Variants in NGEF observed in about 807,000 individuals in gnomAD.
NGEF encodes ephexin-1.
Under a neutral mutation model 80.9 loss-of-function variants are expected in NGEF, and 31 were observed. The ratio of observed to expected loss-of-function variants is 0.38; its 90% CI spans 0.29 to 0.52. The LOEUF (loss-of-function observed/expected upper bound fraction) is 0.52, where lower values mean the gene tolerates loss of function less well. Ranked by LOEUF, NGEF falls within the 20% of genes least tolerant of loss-of-function variation. The pLI, the probability that NGEF is intolerant of heterozygous loss-of-function variation, is 0.84. For synonymous variants in NGEF, 371 were observed against 370.2 expected, an observed-to-expected ratio of 1.00 and a Z score of -0.03; for missense variants, 709 against 926.2, an observed-to-expected ratio of 0.77 and a Z score of 3.04.
chr2:232,891,608 A>C (rs891777429), intron 7 of NGEF, 121 bp from the exon 8 acceptor site: 1 of 1,145,638 alleles, frequency 8.7e-7, no homozygotes, highest in Non-Finnish European at 1.2e-6. Flanking sequence ...AAACATGTTG[A>C]TTTCTTTCTT....
intron 5 of NGEF, among the ~76,000 whole-genome samples, chr2:232,909,160 A>G (rs1692640720): frequency 6.6e-6 from 1 of 152,046 alleles, no homozygotes; most frequent in African/African-American, 2.4e-5. Context: ...TGCCACCAAC[A>G]GTTTTTTATT....
At chr2:232,995,698 T>C (rs1365338803) in intron 1 of NGEF, among the ~76,000 whole-genome samples, 2 of 141,122 alleles carry the variant, frequency 1.4e-5, no homozygotes, top group African/African-American at 5.3e-5. Context: ...ATAGTGTATG[T>C]ATTATATGTG....
chr2:232,987,981 C>A (rs1694567258), intron 1 of NGEF, among the ~76,000 whole-genome samples: 1 of 151,324 alleles, frequency 6.6e-6, no homozygotes. Flanking sequence ...TGCAAGCAGG[C>A]ATGTGCCCCC....
intron 3 of NGEF, among the ~76,000 whole-genome samples, chr2:232,958,698 C>A (rs1356513612): frequency 6.6e-6 from 1 of 152,048 alleles, no homozygotes; most frequent in African/African-American, 2.4e-5. Context: ...AAGCTCCTGT[C>A]TTTTTGTATT....
chr2:232,980,301 G>A (rs1694386598), intron 1 of NGEF, among the ~76,000 whole-genome samples: 1 of 152,146 alleles, frequency 6.6e-6, no homozygotes, highest in Non-Finnish European at 1.5e-5. Context: ...TGGGGAGCTG[G>A]CTGCAGGCTC....
chr2:232,906,419 C>T (rs1692543487), intron 5 of NGEF, among the ~76,000 whole-genome samples: 1 of 111,240 alleles, frequency 9.0e-6, no homozygotes, highest in Non-Finnish European at 1.9e-5. Flanking sequence ...CCCGCCCGGT[C>T]AGCCACCCCG....
intron 3 of NGEF, among the ~76,000 whole-genome samples, chr2:232,944,539 G>T (rs1440269210): frequency 7.9e-5 from 12 of 151,828 alleles, no homozygotes; most frequent in Admixed American, 7.2e-4. Context: ...CCCAAATTCA[G>T]TGAGAGAAGC....
At chr2:232,910,289 T>G (rs1692663524) in intron 5 of NGEF, among the ~76,000 whole-genome samples, 1 of 152,040 alleles carries the variant, frequency 6.6e-6, no homozygotes, top group African/African-American at 2.4e-5. Context: ...GTATTAGATT[T>G]TCATAAGGTG....
rs913533558 is a variant in NGEF at position 232,882,315 on chromosome 2, C to A, written c.1758-50G>T. On this transcript the variant is annotated intron_variant, in intron 12 of 14. Coordinates refer to ENST00000264051, the MANE Select transcript of NGEF (RefSeq NM_019850.3). ...CCCAACTGCAGATCAACGGCAGCCC[C>A]CCAACGTGTGGCACGAGGCTTCCCA... 2.0e-6 allele frequency: 3 copies of A among 1,534,592 alleles called. No individual in the cohort carries two copies. The African/African-American group carries it at 4.1e-5, about 21-fold the overall frequency.
At position 232,882,197 on chromosome 2, in the gene NGEF, G is replaced by A. The variant is rs1691525265; in HGVS notation, c.1826C>T (p.Ser609Phe). The stretch of plus-strand genomic sequence containing the variant: ...CACCGGTGACTTACCCAGCAGCCGG[G>A]ATGTGAACGAAACAAACTTGGTCCT... ...NRRTKFVSFT[S>F]RLLDCPQVQC... is the part of the protein sequence containing the mutation. The change falls in exon 13 of 15, where the codon TCC (serine) becomes TTC (phenylalanine). Residue 609 changes from serine (S) to phenylalanine (F), a missense_variant. Coordinates refer to ENST00000264051, the MANE Select transcript of NGEF (RefSeq NM_019850.3). 1 of 1,613,742 alleles carries A rather than the reference G, an allele frequency of 6.2e-7. No homozygotes were observed. Among genetic ancestry groups the A allele is most frequent in the Non-Finnish European group, 8.5e-7 (1 of 1,179,900 alleles).
chr2:232,882,395 C>A, intron 12 of NGEF, 130 bp from the exon 13 acceptor site: 1 of 804,606 alleles, frequency 1.2e-6, no homozygotes, highest in East Asian at 2.7e-5. Context: ...CAAGCCCACC[C>A]CAGGGACAGC....
chr2:232,912,634 G>A (rs1453480361), intron 5 of NGEF, among the ~76,000 whole-genome samples: 1 of 152,076 alleles, frequency 6.6e-6, no homozygotes. Flanking sequence ...GTAAACTTAT[G>A]GGCCTACAGA....
At chr2:232,891,620 G>T in intron 7 of NGEF, 133 bp from the exon 8 acceptor site, 4 of 1,050,344 alleles carry the variant, frequency 3.8e-6, no homozygotes, top group Non-Finnish European at 5.4e-6. Context: ...TTCTTTCTTT[G>T]TTTTTTTTCA....
intron 1 of NGEF, among the ~76,000 whole-genome samples, chr2:233,003,260 C>G (rs2106344610): frequency 6.6e-6 from 1 of 152,310 alleles, no homozygotes; most frequent in Non-Finnish European, 1.5e-5. Context: ...GGTGGCTGCC[C>G]CAGGTGGGGC....
intron 3 of NGEF, among the ~76,000 whole-genome samples, chr2:232,941,883 T>A (rs984275163): frequency 1.3e-5 from 2 of 152,220 alleles, no homozygotes; most frequent in African/African-American, 4.8e-5. Context: ...TTCTTGGCAT[T>A]GTGAAAATTA....
chr2:232,955,325 C>T (rs1456222401), intron 3 of NGEF, among the ~76,000 whole-genome samples: 1 of 152,166 alleles, frequency 6.6e-6, no homozygotes, highest in Non-Finnish European at 1.5e-5. Flanking sequence ...CAAACACAAC[C>T]ATCAAAACCA....
chr2:232,926,082 C>T (rs1282432914), intron 4 of NGEF, among the ~76,000 whole-genome samples: 2 of 152,258 alleles, frequency 1.3e-5, no homozygotes, highest in South Asian at 2.1e-4. Flanking sequence ...TCTCCGGTGG[C>T]GATGGAAGCT....
intron 4 of NGEF, among the ~76,000 whole-genome samples, chr2:232,925,233 C>T (rs752756867): frequency 4.6e-5 from 7 of 152,220 alleles, no homozygotes; most frequent in Non-Finnish European, 7.3e-5. Context: ...CCTTTCCTAA[C>T]ACTTGGCAAA....
intron 3 of NGEF, among the ~76,000 whole-genome samples, chr2:232,959,953 T>C (rs1693910420): frequency 6.6e-6 from 1 of 152,234 alleles, no homozygotes; most frequent in African/African-American, 2.4e-5. Flanking sequence ...ACCAACCAGC[T>C]ACAGCAGAGC....
Sources: allele counts gnomAD v4.1 joint callset (sites outside exome capture counted in the v4.1 genomes callset), GRCh38; gene constraint gnomAD v4.1.1; transcripts MANE v1.5; gene names NCBI Gene and HGNC (gene_info 2026-07-23, HGNC 2026-07-21).